SLC4A9: variants seen among roughly 807,000 people sequenced by gnomAD.
The protein encoded by SLC4A9 is solute carrier family 4 member 9.
A neutral mutation model predicts 103.2 loss-of-function variants in SLC4A9; 102 were observed. The ratio of observed to expected loss-of-function variants is 0.99; its 90% CI spans 0.84 to 1.17. The LOEUF (loss-of-function observed/expected upper bound fraction) is 1.17. Among genes scored for constraint, SLC4A9 ranks in the 50% most tolerant of loss-of-function variants. The pLI, the probability that SLC4A9 is intolerant of heterozygous loss-of-function variation, is 0.00. For missense variants in SLC4A9, 1,091 were observed against 1,193.7 expected (o/e 0.91, Z 1.27); for synonymous variants, 453 against 483.6 (o/e 0.94, Z 0.83).
intron 21 of SLC4A9, among the ~76,000 whole-genome samples, chr5:140,374,157 C>T (rs1769142642): frequency 6.6e-6 from 1 of 152,040 alleles, no homozygotes; most frequent in Non-Finnish European, 1.5e-5. Flanking sequence ...CCACTGCACT[C>T]CAGCCTGGGC....
intron 17 of SLC4A9, among the ~76,000 whole-genome samples, chr5:140,369,301 A>C (rs991190515): frequency 6.6e-6 from 1 of 152,036 alleles, no homozygotes; most frequent in Admixed American, 6.6e-5. Flanking sequence ...AACAAAAAAA[A>C]ACCAAAAAAC....
Position 140,367,772 on chromosome 5 carries a change from T to C in SLC4A9, c.2228T>C (p.Leu743Pro). The change falls in exon 16 of 22, where the codon CTC becomes CCC. Residue 743 changes from leucine (L) to proline (P), a missense_variant. Physicochemically the swap from Leu to Pro is moderately conservative, Grantham distance 98. Transcript: ENST00000506757. ...TTCTGTGTGGCTGTGCTGATGCTAC[T>C]CACATCAGCGCTTGGACTGCCTTGG... is the stretch of plus-strand genomic sequence containing the variant. Reference protein sequence around the residue: ...DLFCVAVLMLLTSALGLPWYV... With the variant: ...DLFCVAVLMLPTSALGLPWYV... 1 of 1,614,008 alleles carries C rather than the reference T, an allele frequency of 6.2e-7. No homozygotes were observed. Among genetic ancestry groups the C allele is most frequent in the Non-Finnish European group, 8.5e-7 (1 of 1,179,894 alleles).
rs1225725109 is a variant in SLC4A9, at chr5:140,362,053, G to C, written c.598G>C (p.Ala200Pro). 6.2e-7 allele frequency: 1 copy of C among 1,605,328 alleles called. No individual in the cohort carries two copies. Among genetic ancestry groups the C allele is most frequent in the Non-Finnish European group, 8.5e-7 (1 of 1,177,808 alleles). ...NPLRQKLPPG[A>P]EAGTVLAGEL... is the part of the protein sequence containing the mutation. ...CCTGAGACAGAAGCTACCTCCAGGA[G>C]CTGAGGCAGGGACTGTGCTGGCAGG... The change falls in exon 5 of 22, where the codon GCT becomes CCT. Residue 200 changes from alanine to proline, a missense_variant. Physicochemically the swap from Ala to Pro is conservative, Grantham distance 27 (BLOSUM62 -1). Coordinates refer to ENST00000506757, the MANE Select transcript of SLC4A9 (RefSeq NM_031467.3).
At chr5:140,362,639 C>T (rs1767276507) in intron 6 of SLC4A9, 107 bp downstream of exon 6, 3 of 1,175,028 alleles carry the variant, frequency 2.6e-6, no homozygotes, top group Admixed American at 3.6e-5. Flanking sequence ...TGTGTGGACT[C>T]TGTATGTGTC....
chr5:140,372,613 C>CTTCA (rs1201770705), intron 20 of SLC4A9, 132 bp from the exon 21 acceptor site: 1 of 1,441,568 alleles, frequency 6.9e-7, no homozygotes, highest in African/African-American at 1.4e-5. Flanking sequence ...AGGGCTGAGG[C>CTTCA]TTCAGCTCAA....
intron 20 of SLC4A9, 65 bp downstream of exon 20, chr5:140,372,462 G>A: frequency 6.3e-7 from 1 of 1,579,228 alleles, no homozygotes; most frequent in African/African-American, 1.4e-5. Context: ...TCTTGTCCAG[G>A]AGCTGTCCCT....
chr5:140,373,726 A>G (rs1769069749), intron 21 of SLC4A9, among the ~76,000 whole-genome samples: 1 of 152,198 alleles, frequency 6.6e-6, no homozygotes, highest in Non-Finnish European at 1.5e-5. Flanking sequence ...TGTAGTGTGC[A>G]ATAATCACGA....
At position 140,362,529 on chromosome 5, in the gene SLC4A9, C is replaced by G. The variant is rs1422680733; in HGVS notation, c.804C>G (p.Asp268Glu). The G allele has an allele frequency of 1.9e-6, 3 of 1,613,806 alleles. No individual in the cohort carries two copies. The Admixed American group carries it at 5.0e-5, about 27-fold the overall frequency. ...GGGCAGCAGCTGTCCTCCTCAGTGACCCGGTGAGCTGAGCAGGTGTGTGTG... is the reference window on the plus strand; with the variant it reads ...GGGCAGCAGCTGTCCTCCTCAGTGAGCCGGTGAGCTGAGCAGGTGTGTGTG... ...MGRAAAVLLS[D>E]PQFQWSVRRA... The change falls in exon 6 of 22, where the codon GAC becomes GAG. Residue 268 changes from aspartate (D) to glutamate (E), a missense_variant. Asp to Glu is a conservative substitution (Grantham distance 45). Coordinates refer to ENST00000506757, the MANE Select transcript of SLC4A9 (RefSeq NM_031467.3).
At chr5:140,373,411 G>A (rs1769022115) in intron 21 of SLC4A9, among the ~76,000 whole-genome samples, 1 of 152,150 alleles carries the variant, frequency 6.6e-6, no homozygotes, top group African/African-American at 2.4e-5. Flanking sequence ...CAGTGGGAGA[G>A]TAGACAAATA....
At position 140,364,039 on chromosome 5, in the gene SLC4A9, C is replaced by G; in HGVS notation, c.1255-15C>G. ...GGACTTCAGGGTCCTGTGCTGAGCC[C>G]CTGTTGGCTTCCAGGGAGTGCTGGA... On this transcript the variant is annotated splice_polypyrimidine_tract_variant and intron_variant, in intron 9 of 21. Coordinates refer to ENST00000506757, the MANE Select transcript of SLC4A9 (RefSeq NM_031467.3). 1 of 1,526,082 alleles carries G rather than the reference C, an allele frequency of 6.6e-7. No homozygotes were observed. Among genetic ancestry groups the G allele is most frequent in the Non-Finnish European group, 8.8e-7 (1 of 1,137,626 alleles). 94.5% of individuals were successfully genotyped at this position (1,526,082 alleles called of 1,614,324 possible). A position where few individuals can be genotyped will look rare whatever the true frequency, so the allele number is the denominator to read the frequency against.
At chr5:140,374,575 A>G (rs1448304963) in intron 21 of SLC4A9, among the ~76,000 whole-genome samples, 2 of 136,454 alleles carry the variant, frequency 1.5e-5, no homozygotes, top group African/African-American at 2.7e-5. Context: ...AAAAAAAAAA[A>G]GCACCTAAGG....
At chr5:140,361,464 G>T in intron 3 of SLC4A9, 97 bp downstream of exon 3, 1 of 1,011,546 alleles carries the variant, frequency 9.9e-7, no homozygotes, top group Non-Finnish European at 1.5e-6. Context: ...CCCAGGCTTA[G>T]TTCAGGCTCC....
chr5:140,370,093 A>C lies in SLC4A9; in HGVS notation c.2428-1002A>C, dbSNP rs140145165. Reference sequence around the variant, plus strand: ...CCACATGCCACGCACTGTTCTAGGTACTGGGGATATAATGGTGCTCAAAAG... The same window carrying C: ...CCACATGCCACGCACTGTTCTAGGTCCTGGGGATATAATGGTGCTCAAAAG... On this transcript the variant is annotated intron_variant, in intron 17 of 21. Coordinates refer to ENST00000506757, the MANE Select transcript of SLC4A9 (RefSeq NM_031467.3). Among the ~76,000 whole-genome samples, 67 of 152,346 alleles carry C rather than the reference A, an allele frequency of 4.4e-4. 3 individuals carry two copies. The East Asian group carries it at 0.013, about 29-fold the overall frequency.
At chr5:140,373,176 C>G (rs1768973564) in intron 21 of SLC4A9, among the ~76,000 whole-genome samples, 1 of 151,930 alleles carries the variant, frequency 6.6e-6, no homozygotes, top group African/African-American at 2.4e-5. Flanking sequence ...AGGAGAAAGC[C>G]TGGTGCTCCT....
Position 140,364,463 on chromosome 5 carries a change from C to T in SLC4A9, c.1489C>T (p.Arg497Cys), listed in dbSNP as rs1034794174. ...GGCCACAGAGGCCAGTGTGCTGGTG[C>T]GCTACTTCACCCGCTTCACTGAGGA... is the stretch of plus-strand genomic sequence containing the variant. ...LVATEASVLV[R>C]YFTRFTEEGF... Residue 497 changes from arginine to cysteine, a missense_variant, in exon 11 of 22, where the codon CGC becomes TGC. By Grantham distance (180) the Arg-to-Cys change is radical. Coordinates refer to ENST00000506757, the MANE Select transcript of SLC4A9 (RefSeq NM_031467.3). The T allele has an allele frequency of 1.3e-5, 21 of 1,612,998 alleles. No homozygotes were observed. Among genetic ancestry groups the T allele is most frequent in the South Asian group, 4.4e-5 (4 of 90,912 alleles).
At position 140,371,505 on chromosome 5, in the gene SLC4A9, C is replaced by T. The variant is rs767089253; in HGVS notation, c.2551C>T (p.Leu851=). The change falls in exon 19 of 22, where the codon CTA becomes TTA. Residue 851 remains leucine (L), a synonymous_variant. Transcript: ENST00000506757. ...GCCAGCAAAACACCAGCCAGACCTG[C>T]TACTCTTGCGGCATGTGCCTCTGAC... ...LMPAKHQPDL[L]LLRHVPLTRV... is the part of the protein sequence containing the mutation. 1 of 1,614,034 alleles carries T rather than the reference C, an allele frequency of 6.2e-7. No homozygotes were observed. Among genetic ancestry groups the T allele is most frequent in the East Asian group, 2.2e-5 (1 of 44,890 alleles).
Position 140,363,196 on chromosome 5 carries a change from C to A in SLC4A9, c.962+130C>A. 8.0e-7 allele frequency: 1 copy of A among 1,257,028 alleles called. No individual in the cohort carries two copies. Among genetic ancestry groups the A allele is most frequent in the Non-Finnish European group, 1.1e-6 (1 of 906,474 alleles). 77.9% of individuals were successfully genotyped at this position (1,257,028 alleles called of 1,614,324 possible). On this transcript the variant is annotated intron_variant, in intron 7 of 21. Transcript: ENST00000506757. This position sits in a 1 kb window ranked among gnomAD's most constrained non-coding sequence, Gnocchi z 4.5. ...TCTTTGGATTTGGAGTCAGGCAGAC[C>A]TAACTCTGAGTTCTGCTGGACTACT...
At chr5:140,368,723 T>A in intron 17 of SLC4A9, 64 bp downstream of exon 17, 1 of 1,379,384 alleles carries the variant, frequency 7.2e-7, no homozygotes, top group Non-Finnish European at 1.0e-6. Context: ...CAGCAAGAAC[T>A]GACAGTAGTT....
chr5:140,365,540 A>C lies in SLC4A9; in HGVS notation c.1672A>C (p.Arg558=). Residue 558 remains arginine, a synonymous_variant, in exon 12 of 22, where the codon AGG becomes CGG. Coordinates refer to ENST00000506757, the MANE Select transcript of SLC4A9 (RefSeq NM_031467.3). The part of the protein sequence containing the change: ...GPGGNESQWI[R]TRPKDRDDIV... Reference sequence around the variant, plus strand: ...CCCAGGAAATGAGTCTCAATGGATAAGGACAAGGCCAAAAGACAGAGACGA... The same window carrying C: ...CCCAGGAAATGAGTCTCAATGGATACGGACAAGGCCAAAAGACAGAGACGA... 1.2e-6 allele frequency: 2 copies of C among 1,611,780 alleles called. No homozygotes were observed. Among genetic ancestry groups the C allele is most frequent in the Non-Finnish European group, 1.7e-6 (2 of 1,178,908 alleles).
Sources: allele counts gnomAD v4.1 joint callset (sites outside exome capture counted in the v4.1 genomes callset), GRCh38; gene constraint gnomAD v4.1.1; non-coding constraint Gnocchi (gnomAD v3.1); transcripts MANE v1.5; gene names NCBI Gene and HGNC (gene_info 2026-07-23, HGNC 2026-07-21).